The following GRIA4 variants were observed in gnomAD, a reference collection of about 807,000 sequenced individuals.
GRIA4 encodes glutamate ionotropic receptor AMPA type subunit 4.
GRIA4 carries 34 observed loss-of-function variants against 104.0 expected under a neutral mutation model. The ratio of observed to expected loss-of-function variants is 0.33; its 90% CI spans 0.25 to 0.44. The LOEUF (loss-of-function observed/expected upper bound fraction) is 0.44. Ranked by LOEUF, GRIA4 falls within the 20% of genes least tolerant of loss-of-function variation. The pLI is 1.00. For missense variants in GRIA4, 750 were observed against 1,096.5 expected, an observed-to-expected ratio of 0.68 and a Z score of 4.46; for synonymous variants, 386 against 381.9, an observed-to-expected ratio of 1.01 and a Z score of -0.13.
chr11:105,826,683 G>A (rs571207896), intron 4 of GRIA4, among the ~76,000 whole-genome samples: 23 of 151,998 alleles, frequency 1.5e-4, no homozygotes, highest in South Asian at 4.1e-4. Flanking sequence ...CATATTTCTC[G>A]CCTTTCTCAC....
chr11:105,647,829 C>T (rs1298049864), intron 3 of GRIA4, among the ~76,000 whole-genome samples: 10 of 151,886 alleles, frequency 6.6e-5, no homozygotes, highest in African/African-American at 1.4e-4. Flanking sequence ...GGATCAGGCA[C>T]GTGCCTGTAG....
At chr11:105,914,907 T>A (rs1352378398) in intron 10 of GRIA4, among the ~76,000 whole-genome samples, 1 of 152,200 alleles carries the variant, frequency 6.6e-6, no homozygotes, top group Non-Finnish European at 1.5e-5. Flanking sequence ...GAATTTATTA[T>A]ATTGAAAAGA....
At chr11:105,843,924 T>C (rs1378134791) in intron 4 of GRIA4, among the ~76,000 whole-genome samples, 2 of 152,182 alleles carry the variant, frequency 1.3e-5, no homozygotes, top group Non-Finnish European at 2.9e-5. Flanking sequence ...CAGCTCTCAG[T>C]TACAAAAAGA....
intron 4 of GRIA4, among the ~76,000 whole-genome samples, chr11:105,843,974 C>T (rs2135967144): frequency 6.6e-6 from 1 of 152,138 alleles, no homozygotes; most frequent in South Asian, 2.1e-4. Flanking sequence ...ATGGCAGTGT[C>T]TTATTTATCT....
intron 5 of GRIA4, chr11:105,862,632 CAATAA>C (rs1230955416): frequency 6.0e-6 from 1 of 166,596 alleles, no homozygotes; most frequent in South Asian, 1.6e-4. Context: ...ATTACTAAAG[CAATAA>C]AATAAAAGAA....
chr11:105,828,325 G>T (rs746318607), intron 4 of GRIA4, among the ~76,000 whole-genome samples: 7 of 151,948 alleles, frequency 4.6e-5, no homozygotes, highest in Non-Finnish European at 1.0e-4. Context: ...AACCCGGAAA[G>T]ACATTTAAAG....
At chr11:105,781,970 A>G (rs1478834012) in intron 4 of GRIA4, among the ~76,000 whole-genome samples, 1 of 152,328 alleles carries the variant, frequency 6.6e-6, no homozygotes, top group East Asian at 1.9e-4. Context: ...TAAAATAAAC[A>G]AATCTGAAGC....
intron 6 of GRIA4, among the ~76,000 whole-genome samples, chr11:105,890,601 C>A (rs1034394040): frequency 2.6e-5 from 4 of 152,124 alleles, no homozygotes; most frequent in Non-Finnish European, 5.9e-5. Context: ...CTGATCTTAG[C>A]TTTTGGAGCT....
chr11:105,918,790 T>G lies in GRIA4; in HGVS notation c.1348T>G (p.Leu450Val). 5 of 1,596,346 alleles carry G rather than the reference T, an allele frequency of 3.1e-6. No individual in the cohort carries two copies. The highest frequency in any genetic ancestry group is 3.4e-6 in the Non-Finnish European group (4 of 1,166,366). ...CAAGTATGAAGGATACTGTGTAGAT[T>G]TGGCATCTGAAATTGCAAAACATAT... ...NDKYEGYCVD[L>V]ASEIAKHIGI... The change falls in exon 11 of 17, where the codon TTG (leucine) becomes GTG (valine). Residue 450 changes from leucine to valine, a missense_variant. Around this residue, in one of 3 missense-constraint regions of GRIA4, gnomAD observed 272 missense variants for 524.5 expected, o/e 0.52. Transcript: ENST00000282499.
intron 4 of GRIA4, among the ~76,000 whole-genome samples, chr11:105,847,289 G>C (rs1405365000): frequency 6.6e-6 from 1 of 152,168 alleles, no homozygotes; most frequent in Non-Finnish European, 1.5e-5. Flanking sequence ...TGTCCTGACA[G>C]GAGGTGGAGC....
rs142323960 is a variant in GRIA4 at position 105,626,302 on chromosome 11, T to C, written c.247+13868T>C. ...ACACACATACACCCTGCATTCAGAT[T>C]GAAAAGAAATGACAAAAGATATACA... is the stretch of plus-strand genomic sequence containing the variant. On this transcript the variant is annotated intron_variant, in intron 3 of 16. Coordinates refer to ENST00000282499, the MANE Select transcript of GRIA4 (RefSeq NM_000829.4). Among the ~76,000 whole-genome samples, 682 of 151,880 alleles carry C rather than the reference T, an allele frequency of 4.5e-3. 5 individuals are homozygous for C. The highest frequency in any genetic ancestry group is 0.016 in the African/African-American group (648 of 41,462).
At chr11:105,800,026 T>A (rs373343212) in intron 4 of GRIA4, among the ~76,000 whole-genome samples, 1 of 152,120 alleles carries the variant, frequency 6.6e-6, no homozygotes, top group Non-Finnish European at 1.5e-5. Context: ...TGCATGATTA[T>A]GATTACCCAT....
At chr11:105,775,027 GA>G (rs1941389397) in intron 4 of GRIA4, among the ~76,000 whole-genome samples, 1 of 152,126 alleles carries the variant, frequency 6.6e-6, no homozygotes, top group Non-Finnish European at 1.5e-5. Context: ...GGAGGCTCTA[GA>G]GTAAAATCCA....
At chr11:105,718,819 T>A (rs781390440) in intron 3 of GRIA4, among the ~76,000 whole-genome samples, 11 of 152,168 alleles carry the variant, frequency 7.2e-5, no homozygotes, top group Non-Finnish European at 1.2e-4. Flanking sequence ...TCCTTTGAGC[T>A]ACCAGAGTAT....
At position 105,858,246 on chromosome 11, in the gene GRIA4, A is replaced by T. The variant is rs372673276; in HGVS notation, c.488-3778A>T. Among the ~76,000 whole-genome samples the T allele has an allele frequency of 5.0e-4, 76 of 152,224 alleles. No individual in the cohort carries two copies. The South Asian group carries it at 0.015, about 30-fold the overall frequency. On this transcript the variant is annotated intron_variant, in intron 4 of 16. Transcript: ENST00000282499. ...TGAATTTATTTATATAATGCTGTGTATTTTGCATAATGGATAGTTTACCTA... is the reference window on the plus strand; with the variant it reads ...TGAATTTATTTATATAATGCTGTGTTTTTTGCATAATGGATAGTTTACCTA...
At chr11:105,894,609 G>T (rs1276971889) in intron 6 of GRIA4, among the ~76,000 whole-genome samples, 8 of 151,984 alleles carry the variant, frequency 5.3e-5, no homozygotes, top group Admixed American at 3.9e-4. Context: ...CACATATGTT[G>T]GTTAGGAAGA....
intron 4 of GRIA4, among the ~76,000 whole-genome samples, chr11:105,758,036 C>A (rs778388990): frequency 6.6e-6 from 1 of 152,050 alleles, no homozygotes; most frequent in Non-Finnish European, 1.5e-5. Flanking sequence ...TCAAGGCCAG[C>A]AGTTTAGGAC....
chr11:105,918,795 A>G lies in GRIA4; in HGVS notation c.1353A>G (p.Ala451=). 6.2e-7 allele frequency: 1 copy of G among 1,600,142 alleles called. No individual in the cohort carries two copies. The highest frequency in any genetic ancestry group is 1.1e-5 in the South Asian group (1 of 90,764). ...DKYEGYCVDL[A]SEIAKHIGIK... ...ATGAAGGATACTGTGTAGATTTGGCATCTGAAATTGCAAAACATATTGGTA... is the reference window on the plus strand; with the variant it reads ...ATGAAGGATACTGTGTAGATTTGGCGTCTGAAATTGCAAAACATATTGGTA... Residue 451 remains alanine (A), a synonymous_variant, in exon 11 of 17, where the codon GCA becomes GCG. Coordinates refer to ENST00000282499, the MANE Select transcript of GRIA4 (RefSeq NM_000829.4).
intron 3 of GRIA4, among the ~76,000 whole-genome samples, chr11:105,712,221 T>C (rs1565483898): frequency 6.6e-6 from 1 of 152,064 alleles, no homozygotes; most frequent in Non-Finnish European, 1.5e-5. Context: ...TGCTTTTTCA[T>C]AGCCAAAATC....
Sources: gnomAD v4.1 joint callset for allele counts (sites outside exome capture counted in the v4.1 genomes callset) on GRCh38, gnomAD v4.1.1 for gene constraint, gnomAD v4.1.1 regional missense constraint, MANE v1.5 for transcripts, NCBI Gene and HGNC (gene_info 2026-07-23, HGNC 2026-07-21) for gene names.